GABBR2: variants seen among roughly 807,000 people sequenced by gnomAD.
GABBR2 encodes G-protein coupled receptor 51.
Under a neutral mutation model 105.6 loss-of-function variants are expected in GABBR2, and 23 were observed. The ratio of observed to expected loss-of-function variants is 0.22; its 90% CI spans 0.16 to 0.31. The LOEUF (loss-of-function observed/expected upper bound fraction) is 0.31. Ranked by LOEUF, GABBR2 falls within the 10% of genes least tolerant of loss-of-function variation. GABBR2 has a pLI of 1.00. For synonymous variants in GABBR2, 478 were observed against 499.7 expected, an observed-to-expected ratio of 0.96 and a Z score of 0.58; for missense variants, 734 against 1,245.5, an observed-to-expected ratio of 0.59 and a Z score of 6.18.
intron 1 of GABBR2, among the ~76,000 whole-genome samples, chr9:98,633,936 T>C (rs1829847591): frequency 6.6e-6 from 1 of 152,116 alleles, no homozygotes; most frequent in Admixed American, 6.6e-5. Flanking sequence ...AGCATGAACA[T>C]GGTAACCGGC....
intron 9 of GABBR2, among the ~76,000 whole-genome samples, chr9:98,391,050 A>G (rs1180566895): frequency 6.6e-6 from 1 of 152,080 alleles, no homozygotes. Context: ...TTCATTATTC[A>G]TCCATTCATT....
chr9:98,321,619 C>A (rs1830823902), intron 13 of GABBR2, among the ~76,000 whole-genome samples: 1 of 152,138 alleles, frequency 6.6e-6, no homozygotes. Flanking sequence ...CACTGTAGGA[C>A]CCTGACCCAG....
rs528625075 is a variant in GABBR2 at position 98,664,678 on chromosome 9, G to A, written c.321+43739C>T. On this transcript the variant is annotated intron_variant, in intron 1 of 18. Transcript: ENST00000259455. ...CTCAAAAGACCAATCTCGTTCACTG[G>A]GTCAGCTGAGCAAGAGAGGCAAGTA... Among the ~76,000 whole-genome samples, 4 of 152,222 alleles carry A rather than the reference G, an allele frequency of 2.6e-5. No individual in the cohort carries two copies. The East Asian group carries it at 7.7e-4, about 29-fold the overall frequency.
At chr9:98,554,404 T>C (rs146080113) in intron 2 of GABBR2, among the ~76,000 whole-genome samples, 129 of 152,196 alleles carry the variant, frequency 8.5e-4, no homozygotes, top group Middle Eastern at 6.8e-3. Context: ...TAAAATTTAT[T>C]TAAAAGAAAA....
chr9:98,361,401 T>A (rs1415234790), intron 13 of GABBR2, among the ~76,000 whole-genome samples: 1 of 152,216 alleles, frequency 6.6e-6, no homozygotes, highest in African/African-American at 2.4e-5. Flanking sequence ...CTTTTTATTA[T>A]CACCGCCACA....
chr9:98,614,292 G>A (rs894862722), intron 1 of GABBR2, among the ~76,000 whole-genome samples: 3 of 152,198 alleles, frequency 2.0e-5, no homozygotes, highest in Admixed American at 6.5e-5. Context: ...GGGAGGCCAA[G>A]GCAGGTGGAT....
intron 1 of GABBR2, among the ~76,000 whole-genome samples, chr9:98,601,416 C>T (rs1429829459): frequency 6.6e-6 from 1 of 152,148 alleles, no homozygotes; most frequent in African/African-American, 2.4e-5. Context: ...ACTTGGGAGG[C>T]TAAGGCGGGA....
chr9:98,507,167 C>A (rs1285709543), intron 3 of GABBR2, among the ~76,000 whole-genome samples: 2 of 152,124 alleles, frequency 1.3e-5, no homozygotes, highest in African/African-American at 2.4e-5. Flanking sequence ...TAGAGTCATG[C>A]CCTTCCCCCA....
At chr9:98,675,279 G>C (rs1830460349) in intron 1 of GABBR2, among the ~76,000 whole-genome samples, 1 of 152,190 alleles carries the variant, frequency 6.6e-6, no homozygotes, top group Non-Finnish European at 1.5e-5. Context: ...ACCATGGATG[G>C]AAGAGGCTTG....
At chr9:98,413,133 A>C (rs958486981) in intron 7 of GABBR2, among the ~76,000 whole-genome samples, 11 of 152,206 alleles carry the variant, frequency 7.2e-5, no homozygotes, top group Non-Finnish European at 1.6e-4. Context: ...TACAAAGACC[A>C]TGGGGGACCC....
chr9:98,481,207 G>T (rs1826915840), intron 4 of GABBR2, among the ~76,000 whole-genome samples: 1 of 152,194 alleles, frequency 6.6e-6, no homozygotes, highest in East Asian at 1.9e-4. Context: ...GGCTCCTGCA[G>T]TCAGTCCACC....
intron 2 of GABBR2, among the ~76,000 whole-genome samples, chr9:98,550,061 G>A (rs545784995): frequency 1.8e-4 from 27 of 152,310 alleles, no homozygotes; most frequent in East Asian, 7.7e-4. Context: ...ATCCTGGAGC[G>A]TCAAGATAGT....
intron 7 of GABBR2, among the ~76,000 whole-genome samples, chr9:98,437,743 C>T (rs1825952707): frequency 6.6e-6 from 1 of 151,742 alleles, no homozygotes; most frequent in Non-Finnish European, 1.5e-5. Flanking sequence ...TCCATCCATC[C>T]ATCCATCCAC....
intron 1 of GABBR2, among the ~76,000 whole-genome samples, chr9:98,596,109 G>C (rs746181229): frequency 4.6e-5 from 7 of 152,242 alleles, no homozygotes; most frequent in Admixed American, 2.6e-4. Flanking sequence ...CAAGGGTCTG[G>C]CTTGAGCCAG....
chr9:98,623,795 C>A (rs1829700311), intron 1 of GABBR2, among the ~76,000 whole-genome samples: 2 of 152,220 alleles, frequency 1.3e-5, no homozygotes, highest in African/African-American at 4.8e-5. Flanking sequence ...GATAGTCTCC[C>A]ATCTCTAGAT....
At chr9:98,700,060 C>T (rs1036440256) in intron 1 of GABBR2, among the ~76,000 whole-genome samples, 1 of 152,172 alleles carries the variant, frequency 6.6e-6, no homozygotes, top group African/African-American at 2.4e-5. Context: ...GCCTTCCCTT[C>T]CCCCACATCC....
chr9:98,680,255 T>G (rs761890946), intron 1 of GABBR2, among the ~76,000 whole-genome samples: 3 of 152,136 alleles, frequency 2.0e-5, no homozygotes, highest in Admixed American at 6.5e-5. Flanking sequence ...AATTTCTAAG[T>G]TCACCAAATT....
intron 7 of GABBR2, among the ~76,000 whole-genome samples, chr9:98,429,811 A>T (rs1825766011): frequency 6.6e-6 from 1 of 152,104 alleles, no homozygotes; most frequent in South Asian, 2.1e-4. Flanking sequence ...CAGTCCTTTT[A>T]AGTAGCTTAC....
rs2131355196 is a variant in GABBR2 at position 98,306,310 on chromosome 9, G to A, written c.2040C>T (p.Asn680=). 22 of 1,613,978 alleles carry A rather than the reference G, an allele frequency of 1.4e-5. No homozygotes were observed. Among genetic ancestry groups the A allele is most frequent in the Non-Finnish European group, 1.8e-5 (21 of 1,179,842 alleles). The change falls in exon 15 of 19, where the codon AAC becomes AAT. Residue 680 remains asparagine (N), a synonymous_variant. Transcript: ENST00000259455. This position sits in a 1 kb window ranked among gnomAD's most constrained non-coding sequence, Gnocchi z 5.4. The stretch of plus-strand genomic sequence containing the variant: ...TGTCGTTGAGTGCGGGGATGCTGAC[G>A]TTGCGGGTCTCCCAAGCTAAGAAAC... ...FGCFLAWETR[N]VSIPALNDSK...
Sources: gnomAD v4.1 joint callset for allele counts (sites outside exome capture counted in the v4.1 genomes callset) on GRCh38, gnomAD v4.1.1 for gene constraint, Gnocchi (gnomAD v3.1) non-coding constraint, MANE v1.5 for transcripts, NCBI Gene and HGNC (gene_info 2026-07-23, HGNC 2026-07-21) for gene names.